Variants in XYLT1 observed in about 807,000 individuals in gnomAD.
XYLT1 encodes the protein xylosyltransferase 1.
Under a neutral mutation model 91.3 loss-of-function variants are expected in XYLT1, and 36 were observed. The ratio of observed to expected loss-of-function variants is 0.39; its 90% CI spans 0.30 to 0.52. The LOEUF (loss-of-function observed/expected upper bound fraction) is 0.52, where lower values mean the gene tolerates loss of function less well. Among genes scored for constraint, XYLT1 ranks in the 20% least tolerant of loss-of-function variants. The pLI, the probability that XYLT1 is intolerant of heterozygous loss-of-function variation, is 0.68. For synonymous variants in XYLT1, 588 were observed against 532.0 expected (o/e 1.11, Z -1.45); for missense variants, 1,242 against 1,284.5 (o/e 0.97, Z 0.51).
chr16:17,141,850 A>C (rs1374989489), intron 6 of XYLT1, among the ~76,000 whole-genome samples: 2 of 152,254 alleles, frequency 1.3e-5, no homozygotes, highest in Non-Finnish European at 2.9e-5. Context: ...GTTCTGATAT[A>C]AAGTAATGCC....
At chr16:17,304,202 C>G (rs1215250610) in intron 2 of XYLT1, among the ~76,000 whole-genome samples, 1 of 152,130 alleles carries the variant, frequency 6.6e-6, no homozygotes, top group Non-Finnish European at 1.5e-5. Flanking sequence ...CAGAGGAGAG[C>G]AGCAGTTTGC....
chr16:17,223,035 GAAAA>G (rs535714440), intron 3 of XYLT1, among the ~76,000 whole-genome samples: 2 of 127,428 alleles, frequency 1.6e-5, no homozygotes, highest in Non-Finnish European at 1.7e-5. Flanking sequence ...ACTGCGCCAG[GAAAA>G]AAAAAAAAAA....
At chr16:17,397,244 G>C (rs779622617) in intron 1 of XYLT1, among the ~76,000 whole-genome samples, 4 of 152,110 alleles carry the variant, frequency 2.6e-5, no homozygotes, top group Non-Finnish European at 4.4e-5. Context: ...GGATCGGCAG[G>C]TTCGGGTAAC....
At chr16:17,325,795 T>C (rs1170408942) in intron 2 of XYLT1, among the ~76,000 whole-genome samples, 1 of 152,226 alleles carries the variant, frequency 6.6e-6, no homozygotes, top group Non-Finnish European at 1.5e-5. Flanking sequence ...CTATGTGTAC[T>C]GGGAGAAAGA....
At position 17,418,457 on chromosome 16, in the gene XYLT1, G is replaced by C. The variant is rs72640434; in HGVS notation, c.363+51977C>G. 0.012 allele frequency among the ~76,000 whole-genome samples: 1,780 copies of C among 152,238 alleles called. 122 individuals carry two copies. In the East Asian group the frequency reaches 0.2, roughly 17 times the overall value. ...AGCCTATCATATTTGATGCAGGTTTGGGAGGAAGAATACAATATTCAGACA... is the reference window on the plus strand; with the variant it reads ...AGCCTATCATATTTGATGCAGGTTTCGGAGGAAGAATACAATATTCAGACA... On this transcript the variant is annotated intron_variant, in intron 1 of 11. Transcript: ENST00000261381.
chr16:17,404,108 G>T lies in XYLT1; in HGVS notation c.364-46058C>A, dbSNP rs113983842. Among the ~76,000 whole-genome samples, 514 of 152,198 alleles carry T rather than the reference G, an allele frequency of 3.4e-3. 2 individuals are homozygous for T. The highest frequency in any genetic ancestry group is 0.011 in the African/African-American group (468 of 41,508). ...GTGTGTCTATGTGTGGTTGGGGGGG[G>T]GGCTCAGGGAGGAGGTGTGACAAGC... is the stretch of plus-strand genomic sequence containing the variant. On this transcript the variant is annotated intron_variant, in intron 1 of 11. Coordinates refer to ENST00000261381, the MANE Select transcript of XYLT1 (RefSeq NM_022166.4).
chr16:17,262,302 C>T (rs2033734635), intron 2 of XYLT1, among the ~76,000 whole-genome samples: 1 of 152,154 alleles, frequency 6.6e-6, no homozygotes, highest in Non-Finnish European at 1.5e-5. Flanking sequence ...TGTTCGCCCA[C>T]CTTACAGAAA....
rs533841102 is a variant in XYLT1 at position 17,430,850 on chromosome 16, T to C, written c.363+39584A>G. On this transcript the variant is annotated intron_variant, in intron 1 of 11. Transcript: ENST00000261381. ...AGCCTGAGCTTCTTTTAATTTTCAT[T>C]ATCTCATTCTAAGAGATAGTATCTA... Among the ~76,000 whole-genome samples the C allele has an allele frequency of 2.1e-4, 32 of 152,316 alleles. No homozygotes were observed. In the South Asian group the frequency reaches 5.6e-3, roughly 27 times the overall value.
intron 10 of XYLT1, among the ~76,000 whole-genome samples, chr16:17,125,339 C>G (rs2030221044): frequency 1.3e-5 from 2 of 152,202 alleles, no homozygotes; most frequent in South Asian, 4.1e-4. Flanking sequence ...GCAAGTTTGT[C>G]TTGCCTCCTA....
chr16:17,255,492 A>G (rs749983189), intron 3 of XYLT1, among the ~76,000 whole-genome samples: 21 of 152,152 alleles, frequency 1.4e-4, no homozygotes, highest in Non-Finnish European at 2.9e-4. Context: ...AAGGAGCTCA[A>G]TATTTCGTTC....
intron 3 of XYLT1, among the ~76,000 whole-genome samples, chr16:17,224,821 G>A (rs2033034211): frequency 6.6e-6 from 1 of 152,226 alleles, no homozygotes; most frequent in Admixed American, 6.5e-5. Flanking sequence ...TTTAAGACAG[G>A]AATCTTAAAT....
rs1351840142 is a variant in XYLT1 at position 17,106,706 on chromosome 16, G to A, written c.*1989C>T. ...CACTCACCCTCCACGTTTTCTGCCT[G>A]TCACCTCCTTGTGCCTGTGACGGGG... On this transcript the variant is annotated 3_prime_UTR_variant, in exon 12 of 12. Transcript: ENST00000261381. 1 of 152,106 alleles carries A rather than the reference G, an allele frequency of 6.6e-6. No individual in the cohort carries two copies. Among genetic ancestry groups the A allele is most frequent in the East Asian group, 1.9e-4 (1 of 5,168 alleles). The allele number at this position is 152,106 out of a possible 1,614,324, so 9.4% of individuals were successfully genotyped here. A position where few individuals can be genotyped will look rare whatever the true frequency, so the allele number is the denominator to read the frequency against.
rs1966797304 is a variant in XYLT1, at chr16:17,107,732, T to A, written c.*963A>T. The A allele has an allele frequency of 6.6e-6, 1 of 152,666 alleles. No homozygotes were observed. Among genetic ancestry groups the A allele is most frequent in the South Asian group, 2.1e-4 (1 of 4,832 alleles). 9.5% of individuals were successfully genotyped at this position (152,666 alleles called of 1,614,324 possible). ...AGCTCAGGAGTTTTGCTCCAAGCAT[T>A]GCTTTGTGAGTTTCATCGCGTTGCC... On this transcript the variant is annotated 3_prime_UTR_variant, in exon 12 of 12. Coordinates refer to ENST00000261381, the MANE Select transcript of XYLT1 (RefSeq NM_022166.4).
chr16:17,381,465 C>A (rs1453380249), intron 1 of XYLT1, among the ~76,000 whole-genome samples: 2 of 114,168 alleles, frequency 1.8e-5, no homozygotes, highest in Admixed American at 1.6e-4. Context: ...CACTCTGTCA[C>A]CCAAGCTGGA....
chr16:17,406,871 C>T (rs1318089634), intron 1 of XYLT1, among the ~76,000 whole-genome samples: 1 of 152,188 alleles, frequency 6.6e-6, no homozygotes, highest in Non-Finnish European at 1.5e-5. Context: ...ATATGAGGCC[C>T]TGGGTTGGGT....
At chr16:17,286,747 G>T (rs2034146238) in intron 2 of XYLT1, among the ~76,000 whole-genome samples, 2 of 152,172 alleles carry the variant, frequency 1.3e-5, no homozygotes, top group African/African-American at 4.8e-5. Context: ...TTGAACCCAG[G>T]TAATCTGCCA....
chr16:17,337,768 A>AATTTTTCTTTTTTTTTTT lies in XYLT1; in HGVS notation c.402+20243_402+20244insAAAAAAAAAAAGAAAAAT, dbSNP rs1272127217. On this transcript the variant is annotated intron_variant, in intron 2 of 11. Transcript: ENST00000261381. ...CTGAGTCCTACTTTGTCTGTTCCACATTTTTTCTTTTTCTTTTTTTTTTTT... is the reference window on the plus strand; with the variant it reads ...CTGAGTCCTACTTTGTCTGTTCCACAATTTTTCTTTTTTTTTTTTTTTTTCTTTTTCTTTTTTTTTTTT... Among the ~76,000 whole-genome samples the AATTTTTCTTTTTTTTTTT allele has an allele frequency of 2.9e-5, 3 of 102,552 alleles. 1 individual carries two copies. The allele number at this position is 102,552 out of a possible 152,430, so 67.3% of individuals were successfully genotyped here. A position where few individuals can be genotyped will look rare whatever the true frequency, so the allele number is the denominator to read the frequency against.
intron 11 of XYLT1, among the ~76,000 whole-genome samples, chr16:17,117,157 A>C (rs1966853970): frequency 6.6e-6 from 1 of 152,216 alleles, no homozygotes; most frequent in African/African-American, 2.4e-5. Flanking sequence ...AGTGGGCTGG[A>C]TTGGCCAACT....
chr16:17,269,818 T>TATTATTATTATC (rs1361680760), intron 2 of XYLT1, among the ~76,000 whole-genome samples: 12 of 149,702 alleles, frequency 8.0e-5, no homozygotes, highest in South Asian at 2.1e-4. Flanking sequence ...TTATTATTAT[T>TATTATTATTATC]ATCATTATTT....
Sources: gnomAD v4.1 joint callset for allele counts (sites outside exome capture counted in the v4.1 genomes callset) on GRCh38, gnomAD v4.1.1 for gene constraint, MANE v1.5 for transcripts, NCBI Gene and HGNC (gene_info 2026-07-23, HGNC 2026-07-21) for gene names.